AGR3: variants seen among roughly 807,000 people sequenced by gnomAD.
AGR3 encodes anterior gradient 3, protein disulphide isomerase family member, also known as anterior gradient protein 3.
A neutral mutation model predicts 24.5 loss-of-function variants in AGR3; 37 were observed. That is an observed-to-expected ratio of 1.51 (90% CI 1.16 to 1.99). The LOEUF is 1.99. Ranked by LOEUF, AGR3 falls within the 30% of genes most tolerant of loss-of-function variation. AGR3 has a pLI of 0.00. For synonymous variants in AGR3, 75 were observed against 61.6 expected, an observed-to-expected ratio of 1.22 and a Z score of -1.02; for missense variants, 228 against 191.1, an observed-to-expected ratio of 1.19 and a Z score of -1.14.
chr7:16,878,489 A>G (rs1163640002), intron 2 of AGR3, 21 bp downstream of exon 2: 1 of 1,596,352 alleles, frequency 6.3e-7, no homozygotes, highest in East Asian at 2.2e-5. Flanking sequence ...GAGTTTAGAA[A>G]ATAAAATGAG....
chr7:16,880,489 TTTCCCCTC>T (rs1418525506), intron 1 of AGR3, among the ~76,000 whole-genome samples: 1 of 47,850 alleles, frequency 2.1e-5, no homozygotes, highest in African/African-American at 7.1e-5. Context: ...TTTCCCCTCC[TTTCCCCTC>T]CTTTCCCCTC....
At chr7:16,855,294 T>G (rs939493813), downstream of AGR3, among the ~76,000 whole-genome samples, 1 of 152,324 alleles carries the variant, frequency 6.6e-6, no homozygotes, top group Middle Eastern at 3.4e-3. Flanking sequence ...CTTCAACCTA[T>G]AATTTTTTTT....
intron 2 of AGR3, among the ~76,000 whole-genome samples, chr7:16,878,177 A>G (rs1299848134): frequency 6.6e-6 from 1 of 152,050 alleles, no homozygotes; most frequent in Non-Finnish European, 1.5e-5. Context: ...ATTTTGAGGA[A>G]TCTTAAATTG....
chr7:16,874,592 G>A (rs958725121), intron 2 of AGR3, among the ~76,000 whole-genome samples: 2 of 152,168 alleles, frequency 1.3e-5, no homozygotes, highest in African/African-American at 4.8e-5. Context: ...ACGAATGAGA[G>A]AGATTGAATT....
intron 3 of AGR3, among the ~76,000 whole-genome samples, chr7:16,872,790 A>G (rs929228099): frequency 2.0e-5 from 3 of 152,184 alleles, no homozygotes; most frequent in Admixed American, 6.5e-5. Context: ...TAAAATGGGC[A>G]AAAGATCTGA....
At chr7:16,878,682 T>A in intron 1 of AGR3, 37 bp from the exon 2 acceptor site, 2 of 1,384,436 alleles carry the variant, frequency 1.4e-6, no homozygotes, top group South Asian at 2.3e-5. Flanking sequence ...ATCCAGTGAA[T>A]TACTTCAAGC....
intron 3 of AGR3, chr7:16,864,697 T>C (rs1781718092): frequency 1.9e-6 from 3 of 1,568,410 alleles, no homozygotes; most frequent in African/African-American, 1.4e-5. Flanking sequence ...CAGGCAATTT[T>C]CCCCATACTT....
chr7:16,875,598 A>G (rs1781972473), intron 2 of AGR3, among the ~76,000 whole-genome samples: 2 of 152,000 alleles, frequency 1.3e-5, no homozygotes, highest in African/African-American at 4.8e-5. Context: ...AGTGGTATAT[A>G]TTTTCATTTA....
At chr7:16,858,397 C>G (rs187755052), downstream of AGR3, among the ~76,000 whole-genome samples, 21 of 152,088 alleles carry the variant, frequency 1.4e-4, no homozygotes, top group African/African-American at 4.3e-4. Context: ...AAATAGAAGA[C>G]ATGGTATTAA....
chr7:16,872,094 A>G (rs1379337365), intron 3 of AGR3, among the ~76,000 whole-genome samples: 1 of 14,082 alleles, frequency 7.1e-5, no homozygotes, highest in Non-Finnish European at 3.7e-3. Flanking sequence ...ACAGAAACAG[A>G]AAGAAAAAAA....
chr7:16,877,152 G>C (rs1781999548), intron 2 of AGR3, among the ~76,000 whole-genome samples: 1 of 151,108 alleles, frequency 6.6e-6, no homozygotes, highest in South Asian at 2.1e-4. Context: ...CAATACATCT[G>C]TTAAGAAATG....
rs748767496 is a variant in AGR3 at position 16,873,793 on chromosome 7, A to G, written c.160T>C (p.Tyr54His). ...WVQTYEEGLF[Y>H]AQKSKKPLMV... Reference sequence around the variant, plus strand: ...GAAGCATGTTACCTTTTTTGAGCATAAAAGAGACCTTCTTCATAAGTTTGT... The same window carrying G: ...GAAGCATGTTACCTTTTTTGAGCATGAAAGAGACCTTCTTCATAAGTTTGT... The change falls in exon 3 of 8, where the codon TAT becomes CAT. Residue 54 changes from tyrosine to histidine, a missense_variant. By Grantham distance (83) the Tyr-to-His change is moderately conservative. Transcript: ENST00000310398. 1.2e-6 allele frequency: 2 copies of G among 1,612,550 alleles called. No homozygotes were observed. The highest frequency in any genetic ancestry group is 1.7e-6 in the Non-Finnish European group (2 of 1,178,788).
chr7:16,861,783 C>T (rs753268248), intron 5 of AGR3, among the ~76,000 whole-genome samples: 1 of 151,958 alleles, frequency 6.6e-6, no homozygotes, highest in Non-Finnish European at 1.5e-5. Context: ...TGCCTGTAGT[C>T]CCAGCTACTT....
chr7:16,855,233 C>G (rs974623551), downstream of AGR3, among the ~76,000 whole-genome samples: 8 of 152,100 alleles, frequency 5.3e-5, no homozygotes, highest in African/African-American at 1.9e-4. Context: ...TTTTTAATGA[C>G]CTTATTTCCA....
chr7:16,864,078 A>C (rs1044494691), intron 3 of AGR3, among the ~76,000 whole-genome samples: 1 of 152,186 alleles, frequency 6.6e-6, no homozygotes, highest in Non-Finnish European at 1.5e-5. Context: ...GATTACTTGA[A>C]AGCTTGATCT....
chr7:16,867,339 A>T (rs948331922), intron 3 of AGR3, among the ~76,000 whole-genome samples: 6 of 152,110 alleles, frequency 3.9e-5, no homozygotes, highest in African/African-American at 1.2e-4. Context: ...TGTAGTATCT[A>T]TCTATCTATG....
At chr7:16,863,443 G>A (rs535104709) in intron 3 of AGR3, among the ~76,000 whole-genome samples, 1 of 151,976 alleles carries the variant, frequency 6.6e-6, no homozygotes, top group South Asian at 2.1e-4. Context: ...ATTTTTGGGG[G>A]GTCATTTTGA....
chr7:16,881,288 C>A (rs1283467422), intron 1 of AGR3, among the ~76,000 whole-genome samples: 1 of 152,052 alleles, frequency 6.6e-6, no homozygotes, highest in East Asian at 1.9e-4. Context: ...AAATAAAAAT[C>A]TTGGTTTTCT....
At chr7:16,858,076 C>T (rs1444362717), downstream of AGR3, among the ~76,000 whole-genome samples, 1 of 151,866 alleles carries the variant, frequency 6.6e-6, no homozygotes, top group Non-Finnish European at 1.5e-5. Flanking sequence ...AAACCTCCAC[C>T]TCCCAGGTTC....
Sources: gnomAD v4.1 joint callset for allele counts (sites outside exome capture counted in the v4.1 genomes callset) on GRCh38, gnomAD v4.1.1 for gene constraint, MANE v1.5 for transcripts, NCBI Gene and HGNC (gene_info 2026-07-23, HGNC 2026-07-21) for gene names.